NTRK1: variants seen among roughly 807,000 people sequenced by gnomAD.
NTRK1 encodes high affinity nerve growth factor receptor.
NTRK1 carries 62 observed loss-of-function variants against 86.8 expected under a neutral mutation model. The ratio of observed to expected loss-of-function variants is 0.71; its 90% CI spans 0.58 to 0.88. The LOEUF (loss-of-function observed/expected upper bound fraction) is 0.88, where lower values mean the gene tolerates loss of function less well. Ranked by LOEUF, NTRK1 falls within the 40% of genes least tolerant of loss-of-function variation. The pLI is 0.00. For missense variants in NTRK1, 967 were observed against 1,078.4 expected, an observed-to-expected ratio of 0.90 and a Z score of 1.45; for synonymous variants, 469 against 456.6, an observed-to-expected ratio of 1.03 and a Z score of -0.35.
chr1:156,861,228 T>A, intron 1 of NTRK1, 82 bp downstream of exon 1: 2 of 1,469,588 alleles, frequency 1.4e-6, no homozygotes, highest in Non-Finnish European at 1.8e-6. Context: ...GCTGCTTGTT[T>A]GCTGGTCAGG....
upstream of NTRK1, among the ~76,000 whole-genome samples, chr1:156,859,872 A>G (rs1571679833): frequency 2.0e-5 from 3 of 151,876 alleles, no homozygotes; most frequent in Non-Finnish European, 4.4e-5. The surrounding 1 kb of genome is among the most constrained non-coding windows in gnomAD (Gnocchi z 6.2). Flanking sequence ...CTTGAGACGG[A>G]TGGGTTAGTG....
Position 156,880,463 on chromosome 1 carries a change from T to TTA in NTRK1, c.2205+306_2205+307insTA, listed in dbSNP as rs1348931828. ...GCATTTTATAGACCTAAGCAGGAATTATCAGAGTGGAAGGGACCAGCACGG... is the reference window on the plus strand; with the variant it reads ...GCATTTTATAGACCTAAGCAGGAATTTAATCAGAGTGGAAGGGACCAGCACGG... On this transcript the variant is annotated intron_variant, in intron 16 of 16. Coordinates refer to ENST00000524377, the MANE Select transcript of NTRK1 (RefSeq NM_002529.4). The TTA allele has an allele frequency of 1.6e-5, 7 of 431,780 alleles. No homozygotes were observed. The East Asian group carries it at 3.1e-4, about 19-fold the overall frequency. The allele number at this position is 431,780 out of a possible 1,614,324, so 26.7% of individuals were successfully genotyped here.
intron 6 of NTRK1, among the ~76,000 whole-genome samples, chr1:156,870,431 G>T (rs976878485): frequency 1.3e-5 from 2 of 152,146 alleles, no homozygotes; most frequent in Non-Finnish European, 2.9e-5. Flanking sequence ...AAGAGAGGCT[G>T]CTCTCCCTCA....
chr1:156,875,412 C>A (rs2102914561), intron 11 of NTRK1, 108 bp from the exon 12 acceptor site: 1 of 1,441,670 alleles, frequency 6.9e-7, no homozygotes, highest in Non-Finnish European at 9.7e-7. Context: ...GCTTCTCAGT[C>A]TCTCCCCTGC....
In NTRK1 at chr1:156,881,525, CA is replaced by C. The variant is rs1648259649; in HGVS notation, c.2275del (p.Ile759SerfsTer61). 6.2e-7 allele frequency: 1 copy of C among 1,601,954 alleles called. No homozygotes were observed. Among genetic ancestry groups the C allele is most frequent in the African/African-American group, 1.3e-5 (1 of 74,736 alleles). ...GTGCCTGCCCACCAGAGGTCTACGC[CA>C]TCATGCGGGGCTGCTGGCAGCGGGA... The part of the protein sequence containing the change: ...PRACPPEVYA[I>X]MRGCWQREPQ... On this transcript the variant is annotated frameshift_variant, in exon 17 of 17. Coordinates refer to ENST00000524377, the MANE Select transcript of NTRK1 (RefSeq NM_002529.4). LOFTEE classifies it high-confidence loss of function.
At chr1:156,842,977 C>G in intron 2 of NTRK1, 1 of 1,560,134 alleles carries the variant, frequency 6.4e-7, no homozygotes, top group South Asian at 1.1e-5. Flanking sequence ...AATTATGACC[C>G]TGACAATGCC....
At chr1:156,858,782 G>A, upstream of NTRK1, 2 of 624,654 alleles carry the variant, frequency 3.2e-6, no homozygotes, top group South Asian at 1.9e-5. Flanking sequence ...GCAGGAGACA[G>A]AAAAAAAGAA....
intron 1 of NTRK1, among the ~76,000 whole-genome samples, chr1:156,835,487 T>C (rs1256390871): frequency 6.6e-6 from 1 of 151,868 alleles, no homozygotes; most frequent in African/African-American, 2.4e-5. Context: ...TGTATGTTCT[T>C]TAAAAATCAC....
At chr1:156,871,344 C>T (rs2102899394) in intron 6 of NTRK1, among the ~76,000 whole-genome samples, 1 of 152,164 alleles carries the variant, frequency 6.6e-6, no homozygotes, top group Admixed American at 6.5e-5. Context: ...TGCTTGAGGC[C>T]CTGTTCAAGA....
At chr1:156,874,703 G>T (rs2102910791) in intron 10 of NTRK1, 77 bp downstream of exon 10, 1 of 1,456,260 alleles carries the variant, frequency 6.9e-7, no homozygotes, top group Non-Finnish European at 9.5e-7. Context: ...TGTCATTTCT[G>T]GTCAGAGCAG....
In NTRK1 at chr1:156,861,148, T is replaced by G; in HGVS notation, c.212+2T>G. On this transcript the variant is annotated splice_donor_variant, in intron 1 of 16. Transcript: ENST00000524377. LOFTEE classifies it high-confidence loss of function. ...CGGCGCAGAGAACCTGACTGAGCTG[T>G]GAGTGTCCGGCGGGCGGTGGGGGGG... 6.4e-7 allele frequency: 1 copy of G among 1,566,384 alleles called. No homozygotes were observed. Among genetic ancestry groups the G allele is most frequent in the East Asian group, 2.3e-5 (1 of 43,252 alleles).
At chr1:156,846,415 G>T in intron 2 of NTRK1, 2 of 941,192 alleles carry the variant, frequency 2.1e-6, no homozygotes, top group Non-Finnish European at 3.3e-6. Context: ...AGCCTCTGTG[G>T]GCCAGGTGTT....
chr1:156,823,375 A>G (rs998923741), intron 1 of NTRK1, among the ~76,000 whole-genome samples: 1 of 152,212 alleles, frequency 6.6e-6, no homozygotes, highest in Non-Finnish European at 1.5e-5. Flanking sequence ...AGGCCACGCC[A>G]TCATTCCACC....
chr1:156,845,632 T>C lies in NTRK1; in HGVS notation c.50+3439T>C. 1 of 1,605,746 alleles carries C rather than the reference T, an allele frequency of 6.2e-7. No homozygotes were observed. Among genetic ancestry groups the C allele is most frequent in the Non-Finnish European group, 8.5e-7 (1 of 1,176,870 alleles). ...CGCTCTTCGCACATGGGGATGGTGA[T>C]CGCGTTGTGTAGAAAGTTTTCAAAC... On this transcript the variant is annotated intron_variant, in intron 2 of 16. Coordinates refer to the NTRK1 transcript ENST00000392302.
chr1:156,844,968 G>A, intron 2 of NTRK1: 1 of 1,538,262 alleles, frequency 6.5e-7, no homozygotes, highest in South Asian at 1.2e-5. Context: ...ACTGAGAGGG[G>A]CAAGCAAAGC....
intron 1 of NTRK1, among the ~76,000 whole-genome samples, chr1:156,836,089 G>C (rs12042297): frequency 1.3e-5 from 2 of 152,008 alleles, no homozygotes; most frequent in Non-Finnish European, 2.9e-5. Flanking sequence ...CTCCTCCTGC[G>C]TGTCTGTCAG....
chr1:156,840,785 T>G (rs947870782), intron 1 of NTRK1: 1 of 1,009,124 alleles, frequency 9.9e-7, no homozygotes, highest in Non-Finnish European at 1.5e-6. Context: ...TGAGTTGGGG[T>G]GGGGGTGAAC....
At chr1:156,856,294 G>T (rs529038855), upstream of NTRK1, among the ~76,000 whole-genome samples, 1 of 152,276 alleles carries the variant, frequency 6.6e-6, no homozygotes, top group Non-Finnish European at 1.5e-5. Context: ...ATAAATATTT[G>T]ATGAATGAAT....
At chr1:156,870,906 C>T (rs1278073595) in intron 6 of NTRK1, among the ~76,000 whole-genome samples, 1 of 152,174 alleles carries the variant, frequency 6.6e-6, no homozygotes, top group East Asian at 1.9e-4. Context: ...TGATTCAATC[C>T]TGACGATGAT....
Sources: gnomAD v4.1 joint callset for allele counts (sites outside exome capture counted in the v4.1 genomes callset) on GRCh38, gnomAD v4.1.1 for gene constraint, Gnocchi (gnomAD v3.1) non-coding constraint, MANE v1.5 for transcripts, NCBI Gene and HGNC (gene_info 2026-07-23, HGNC 2026-07-21) for gene names.